The following EXOC6 variants were observed in gnomAD, a reference collection of about 807,000 sequenced individuals.
The protein encoded by EXOC6 is SEC15-like 1.
In EXOC6, 60 loss-of-function variants were observed where a neutral mutation model predicts 112.5. The ratio of observed to expected loss-of-function variants is 0.53; its 90% CI spans 0.43 to 0.66. The LOEUF (loss-of-function observed/expected upper bound fraction) is 0.66. EXOC6 is among the 30% of genes least tolerant of loss of function. EXOC6 has a pLI of 0.00. For missense variants in EXOC6, 855 were observed against 957.1 expected (o/e 0.89, Z 1.41); for synonymous variants, 295 against 308.0 (o/e 0.96, Z 0.44).
chr10:92,900,986 A>G (rs1850135053), intron 5 of EXOC6: 1 of 151,732 alleles, frequency 6.6e-6, no homozygotes, highest in Admixed American at 6.6e-5. Context: ...TGTTTTTTTC[A>G]TGGAAGAGTG....
intron 17 of EXOC6, among the ~76,000 whole-genome samples, chr10:92,957,855 C>CT (rs1853776979): frequency 6.6e-6 from 1 of 152,174 alleles, no homozygotes; most frequent in Non-Finnish European, 1.5e-5. Context: ...TCTGTTACCT[C>CT]TTTCACAAAA....
intron 12 of EXOC6, among the ~76,000 whole-genome samples, chr10:92,937,970 C>G (rs1852445437): frequency 6.6e-6 from 1 of 152,092 alleles, no homozygotes; most frequent in Non-Finnish European, 1.5e-5. Flanking sequence ...ACTATATCCC[C>G]AAGTACAAAG....
intron 19 of EXOC6, 92 bp downstream of exon 19, chr10:92,997,707 GAGGGAGA>G: frequency 5.2e-6 from 6 of 1,155,348 alleles, no homozygotes; most frequent in Non-Finnish European, 6.9e-6. Flanking sequence ...GTTCAGAAAG[GAGGGAGA>G]AGGCCTGGTT....
chr10:92,848,026 T>A (rs75962189), upstream of EXOC6, among the ~76,000 whole-genome samples: 2,220 of 152,110 alleles, frequency 0.015, 52 homozygotes, highest in African/African-American at 0.051. Context: ...CTAAAATAAA[T>A]CTTACTATCA....
rs766076525 is a variant in EXOC6, at chr10:92,955,705, T to A, written c.1764T>A (p.Ser588=). The change falls in exon 17 of 22, where the codon TCT becomes TCA. Residue 588 remains serine (S), a synonymous_variant. Coordinates refer to ENST00000260762, the MANE Select transcript of EXOC6 (RefSeq NM_019053.6). ...TVHTTRLYGL[S]TFKDARHAAE... ...ATACTACAAGACTTTATGGACTTTCTACTTTCAAGGTATGTAAAAATTTGA... is the reference window on the plus strand; with the variant it reads ...ATACTACAAGACTTTATGGACTTTCAACTTTCAAGGTATGTAAAAATTTGA... 16 of 1,607,940 alleles carry A rather than the reference T, an allele frequency of 1.0e-5. No individual in the cohort carries two copies. The highest frequency in any genetic ancestry group is 1.4e-5 in the Non-Finnish European group (16 of 1,178,030).
chr10:92,911,415 G>A lies in EXOC6; in HGVS notation c.663+1784G>A, dbSNP rs1850755724. The stretch of plus-strand genomic sequence containing the variant: ...TGCCATGGGAGTTAAAAACACAAGC[G>A]CTTGGTAAATTTTTTCAGTATGAGA... On this transcript the variant is annotated intron_variant, in intron 6 of 21. Transcript: ENST00000260762. Among the ~76,000 whole-genome samples, 3 of 152,102 alleles carry A rather than the reference G, an allele frequency of 2.0e-5. No homozygotes were observed. The South Asian group carries it at 6.2e-4, about 32-fold the overall frequency.
chr10:92,962,819 A>G (rs1197802492), intron 17 of EXOC6, among the ~76,000 whole-genome samples: 3 of 152,224 alleles, frequency 2.0e-5, no homozygotes, highest in Non-Finnish European at 4.4e-5. Flanking sequence ...GTGTAATAGT[A>G]GATGAATTTG....
At chr10:92,875,664 A>G (rs1051400760) in intron 1 of EXOC6, among the ~76,000 whole-genome samples, 3 of 152,152 alleles carry the variant, frequency 2.0e-5, no homozygotes, top group African/African-American at 7.2e-5. Flanking sequence ...AAGAATAGAG[A>G]GCAGAAAAAA....
At chr10:93,031,997 CA>C (rs1457230820) in intron 20 of EXOC6, among the ~76,000 whole-genome samples, 1 of 152,204 alleles carries the variant, frequency 6.6e-6, no homozygotes, top group Non-Finnish European at 1.5e-5. Context: ...ATAGGCATTA[CA>C]CATTTGACCA....
At chr10:92,859,120 C>T (rs1301837376) in intron 1 of EXOC6, among the ~76,000 whole-genome samples, 1 of 152,126 alleles carries the variant, frequency 6.6e-6, no homozygotes, top group Non-Finnish European at 1.5e-5. Context: ...TTATATGCCT[C>T]ATAGTTTTTT....
At chr10:92,998,660 AC>A (rs1843607355) in intron 19 of EXOC6, among the ~76,000 whole-genome samples, 2 of 149,576 alleles carry the variant, frequency 1.3e-5, no homozygotes, top group African/African-American at 5.0e-5. Context: ...ACACACACAC[AC>A]ACACTCCAAA....
intron 4 of EXOC6, among the ~76,000 whole-genome samples, chr10:92,899,387 G>A (rs1850028939): frequency 6.6e-6 from 1 of 152,056 alleles, no homozygotes; most frequent in African/African-American, 2.4e-5. Flanking sequence ...ATATGTGTGT[G>A]TGTGTATATA....
chr10:92,899,518 C>G, intron 4 of EXOC6, 81 bp from the exon 5 acceptor site: 1 of 980,986 alleles, frequency 1.0e-6, no homozygotes, highest in Admixed American at 2.4e-5. Context: ...GTAATATACT[C>G]TTTCCTGCTT....
chr10:92,828,405 C>G (rs1846419699), intron 1 of EXOC6, among the ~76,000 whole-genome samples: 2 of 152,182 alleles, frequency 1.3e-5, no homozygotes, highest in South Asian at 4.1e-4. Flanking sequence ...GCGATCTTGG[C>G]TCACTGCAAC....
intron 20 of EXOC6, among the ~76,000 whole-genome samples, chr10:93,017,813 C>A (rs1013611248): frequency 6.6e-5 from 10 of 151,838 alleles, no homozygotes; most frequent in Admixed American, 3.3e-4. Context: ...AGGTCGAGAC[C>A]GTCCTGGCTA....
At chr10:92,921,380 G>A (rs1046304723) in intron 8 of EXOC6, among the ~76,000 whole-genome samples, 93 of 151,680 alleles carry the variant, frequency 6.1e-4, no homozygotes, top group African/African-American at 2.2e-3. Flanking sequence ...AAGTAGCTGG[G>A]TTTACAGGCA....
At chr10:92,922,839 C>T (rs187931188) in intron 8 of EXOC6, among the ~76,000 whole-genome samples, 1 of 152,086 alleles carries the variant, frequency 6.6e-6, no homozygotes, top group East Asian at 1.9e-4. Context: ...CTGATGAATA[C>T]CAAATATAGT....
chr10:92,896,173 ATATATATATTTTTTTTTTTTTTT>A (rs1589785267), intron 4 of EXOC6, among the ~76,000 whole-genome samples: 14 of 23,804 alleles, frequency 5.9e-4, no homozygotes, highest in East Asian at 7.4e-3. Flanking sequence ...ATATATATAT[ATATATATATTTTTTTTTTTTTTT>A]TTTTTTTTTT....
chr10:92,966,056 CT>C (rs1453012027), intron 17 of EXOC6, among the ~76,000 whole-genome samples: 1 of 151,958 alleles, frequency 6.6e-6, no homozygotes, highest in African/African-American at 2.4e-5. Context: ...TTTTTAACAT[CT>C]TGAGAAAAGG....
Sources: gnomAD v4.1 joint callset for allele counts (sites outside exome capture counted in the v4.1 genomes callset) on GRCh38, gnomAD v4.1.1 for gene constraint, MANE v1.5 for transcripts, NCBI Gene and HGNC (gene_info 2026-07-23, HGNC 2026-07-21) for gene names.